The following KTN1 variants were observed in gnomAD, a reference collection of about 807,000 sequenced individuals.
KTN1 encodes kinectin.
Under a neutral mutation model 222.5 loss-of-function variants are expected in KTN1, and 130 were observed. That is an observed-to-expected ratio of 0.58 (90% CI 0.51 to 0.68). KTN1 has a LOEUF of 0.68. Ranked by LOEUF, KTN1 falls within the 30% of genes least tolerant of loss-of-function variation. The pLI, the probability that KTN1 is intolerant of heterozygous loss-of-function variation, is 0.00. For synonymous variants in KTN1, 512 were observed against 496.3 expected (o/e 1.03, Z -0.42); for missense variants, 1,508 against 1,500.4 (o/e 1.01, Z -0.08).
At chr14:55,671,313 G>A (rs927399589) in intron 35 of KTN1, 15 of 452,592 alleles carry the variant, frequency 3.3e-5, no homozygotes, top group African/African-American at 3.1e-4. Flanking sequence ...TTCACATGTG[G>A]GTCTGCTTTG....
chr14:55,656,624 C>T (rs1337175901), intron 29 of KTN1, among the ~76,000 whole-genome samples: 5 of 151,974 alleles, frequency 3.3e-5, no homozygotes, highest in African/African-American at 1.2e-4. Context: ...CACCACTATG[C>T]CCAGCTAATT....
chr14:55,602,129 C>G (rs2036065721), intron 1 of KTN1, among the ~76,000 whole-genome samples: 1 of 152,160 alleles, frequency 6.6e-6, no homozygotes, highest in African/African-American at 2.4e-5. Context: ...TTAGAAATAA[C>G]TTAGAGCAAA....
chr14:55,651,670 A>C lies in KTN1; in HGVS notation c.2566-220A>C, dbSNP rs548894117. The C allele has an allele frequency of 6.1e-4, 315 of 516,018 alleles. 1 individual carries two copies. Among genetic ancestry groups the C allele is most frequent in the African/African-American group, 5.6e-3 (288 of 51,756 alleles). The allele number at this position is 516,018 out of a possible 1,614,324, so 32.0% of individuals were successfully genotyped here. ...ATCACATTAGTTAGACTTATTATTC[A>C]TAACTATTTTCCTTGTCCCTCCCCC... On this transcript the variant is annotated intron_variant, in intron 24 of 43. Transcript: ENST00000395314.
intron 24 of KTN1, chr14:55,651,219 G>T (rs2141116777): frequency 2.2e-6 from 1 of 455,232 alleles, no homozygotes; most frequent in African/African-American, 2.0e-5. Context: ...TGGATCACTA[G>T]CTAGTGATTG....
chr14:55,629,531 A>AT (rs2040272881), intron 6 of KTN1, among the ~76,000 whole-genome samples: 2 of 150,466 alleles, frequency 1.3e-5, no homozygotes, highest in Admixed American at 6.6e-5. Context: ...TCTTATCCCT[A>AT]TTTTTTTCCC....
At chr14:55,664,087 C>T in intron 33 of KTN1, 46 bp downstream of exon 33, 1 of 1,255,180 alleles carries the variant, frequency 8.0e-7, no homozygotes, top group Non-Finnish European at 1.1e-6. Context: ...CAGAGAAAAT[C>T]TGCAGCTTGT....
chr14:55,608,624 CTTT>C (rs575646665), intron 1 of KTN1, among the ~76,000 whole-genome samples: 8 of 138,962 alleles, frequency 5.8e-5, no homozygotes, highest in Non-Finnish European at 9.4e-5. Flanking sequence ...TTGCTGTGAA[CTTT>C]TTTTTTTTTT....
intron 1 of KTN1, among the ~76,000 whole-genome samples, chr14:55,607,955 A>G (rs1051837988): frequency 7.2e-5 from 11 of 152,326 alleles, no homozygotes; most frequent in South Asian, 6.2e-4. Context: ...TGAGTTAGCA[A>G]AAATCACCAG....
chr14:55,592,729 G>C (rs955754218), intron 1 of KTN1, among the ~76,000 whole-genome samples: 6 of 152,158 alleles, frequency 3.9e-5, no homozygotes, highest in Admixed American at 2.6e-4. Flanking sequence ...GCCAGTGTTT[G>C]CATGTGGTTT....
chr14:55,606,595 A>G (rs1218896336), intron 1 of KTN1, among the ~76,000 whole-genome samples: 1 of 150,580 alleles, frequency 6.6e-6, no homozygotes, highest in African/African-American at 2.4e-5. Flanking sequence ...GAAACACTAT[A>G]GTAAAAAATA....
At chr14:55,667,519 ATTG>A (rs1013128221) in intron 34 of KTN1, 189 bp downstream of exon 34, 1 of 357,666 alleles carries the variant, frequency 2.8e-6, no homozygotes, top group Non-Finnish European at 4.9e-6. Context: ...ACCTGATACT[ATTG>A]TTTCTATAAA....
At chr14:55,633,833 A>G (rs1046795777) in intron 8 of KTN1, among the ~76,000 whole-genome samples, 1 of 152,048 alleles carries the variant, frequency 6.6e-6, no homozygotes, top group East Asian at 1.9e-4. Context: ...AGAGCCCAGG[A>G]GTCTACATAT....
At chr14:55,621,199 T>C (rs77544029) in intron 5 of KTN1, among the ~76,000 whole-genome samples, 11,776 of 152,242 alleles carry the variant, frequency 0.077, 498 homozygotes, top group South Asian at 0.12. Context: ...ATTTCATTGC[T>C]GGTATCATCA....
intron 2 of KTN1, among the ~76,000 whole-genome samples, chr14:55,614,019 T>G (rs974794472): frequency 1.3e-5 from 2 of 152,202 alleles, no homozygotes; most frequent in African/African-American, 4.8e-5. Context: ...GTCTCATTAC[T>G]CATTGGCAGA....
At chr14:55,640,818 G>T (rs2041719835) in intron 15 of KTN1, 115 bp from the exon 16 acceptor site, 2 of 807,650 alleles carry the variant, frequency 2.5e-6, no homozygotes, top group African/African-American at 1.7e-5. Context: ...ATACAGTATT[G>T]CTGTAACTTC....
At chr14:55,667,184 T>G (rs867328902) in intron 33 of KTN1, 57 bp from the exon 34 acceptor site, 2 of 1,144,160 alleles carry the variant, frequency 1.7e-6, no homozygotes, top group Middle Eastern at 4.0e-4. Flanking sequence ...TTTCTTTTCT[T>G]TTTTTAAAAA....
chr14:55,649,661 C>T, intron 21 of KTN1, 115 bp from the exon 22 acceptor site: 1 of 650,068 alleles, frequency 1.5e-6, no homozygotes, highest in South Asian at 1.9e-5. Context: ...AATGCCTGGG[C>T]TTTTCCCATT....
chr14:55,683,548 A>G (rs559824205), intron 43 of KTN1: 34 of 152,288 alleles, frequency 2.2e-4, no homozygotes, highest in East Asian at 7.7e-4. Context: ...CATTTTGTCA[A>G]TTGTACCCAA....
intron 43 of KTN1, 110 bp from the exon 44 acceptor site, chr14:55,683,989 G>A (rs1772334165): frequency 1.2e-5 from 10 of 812,986 alleles, no homozygotes; most frequent in Non-Finnish European, 1.7e-5. Context: ...ATTTGAAAGG[G>A]CCATGCTAGA....
Sources: allele counts gnomAD v4.1 joint callset (sites outside exome capture counted in the v4.1 genomes callset), GRCh38; gene constraint gnomAD v4.1.1; transcripts MANE v1.5; gene names NCBI Gene and HGNC (gene_info 2026-07-23, HGNC 2026-07-21).